SMYD3: variants seen among roughly 807,000 people sequenced by gnomAD.
SMYD3 encodes histone-lysine N-methyltransferase SMYD3.
SMYD3 carries 36 observed loss-of-function variants against 57.7 expected under a neutral mutation model. The observed-to-expected ratio is 0.62, with a 90% CI of 0.48 to 0.82. The LOEUF (loss-of-function observed/expected upper bound fraction) is 0.82, where lower values mean the gene tolerates loss of function less well. Ranked by LOEUF, SMYD3 falls within the 40% of genes least tolerant of loss-of-function variation. The pLI is 0.00. For synonymous variants in SMYD3, 211 were observed against 195.0 expected (o/e 1.08, Z -0.68); for missense variants, 515 against 538.8 (o/e 0.96, Z 0.44).
At chr1:246,144,188 C>G (rs919937832) in intron 5 of SMYD3, among the ~76,000 whole-genome samples, 1 of 152,196 alleles carries the variant, frequency 6.6e-6, no homozygotes, top group Admixed American at 6.5e-5. Flanking sequence ...GATGCTGCTA[C>G]CGCCATGTCC....
chr1:246,167,286 T>G (rs1270799211), intron 5 of SMYD3, among the ~76,000 whole-genome samples: 1 of 152,214 alleles, frequency 6.6e-6, no homozygotes, highest in Non-Finnish European at 1.5e-5. Flanking sequence ...TCCATTCTTT[T>G]GTGTGTGTAT....
chr1:245,803,916 T>C (rs72766643), intron 10 of SMYD3, among the ~76,000 whole-genome samples: 47 of 31,642 alleles, frequency 1.5e-3, no homozygotes, highest in South Asian at 3.5e-3. Context: ...AGTCAGTATT[T>C]TTTTTTTTTT....
At chr1:246,051,828 T>A (rs1339189389) in intron 5 of SMYD3, among the ~76,000 whole-genome samples, 1 of 152,200 alleles carries the variant, frequency 6.6e-6, no homozygotes, top group Non-Finnish European at 1.5e-5. Context: ...TTAATCATGC[T>A]GAAACTGTAT....
intron 5 of SMYD3, among the ~76,000 whole-genome samples, chr1:245,986,191 C>T (rs996806728): frequency 1.3e-4 from 13 of 98,042 alleles, no homozygotes; most frequent in African/African-American, 2.9e-4. Context: ...CTCTTGTTTA[C>T]TTCATTTCTT....
At chr1:245,763,941 T>C (rs2045963781) in intron 11 of SMYD3, 100 bp downstream of exon 11, 2 of 881,672 alleles carry the variant, frequency 2.3e-6, no homozygotes, top group East Asian at 2.4e-5. Context: ...TGTGTATGCG[T>C]GCACACATAC....
intron 10 of SMYD3, among the ~76,000 whole-genome samples, chr1:245,816,468 C>T (rs2048806790): frequency 7.6e-6 from 1 of 132,282 alleles, no homozygotes; most frequent in Admixed American, 8.7e-5. Flanking sequence ...AAGCCAGCTA[C>T]AACCCAACTC....
intron 2 of SMYD3, among the ~76,000 whole-genome samples, chr1:246,345,650 T>C (rs1002236344): frequency 6.6e-6 from 1 of 152,208 alleles, no homozygotes; most frequent in Admixed American, 6.5e-5. Flanking sequence ...TATGATGTGT[T>C]GACATTTTAA....
intron 5 of SMYD3, among the ~76,000 whole-genome samples, chr1:246,301,015 C>G (rs1191884873): frequency 6.6e-6 from 1 of 152,072 alleles, no homozygotes; most frequent in East Asian, 1.9e-4. Flanking sequence ...AAGGGTAGTT[C>G]AGCTTTGTAG....
At chr1:245,922,862 A>AT (rs1174942882) in intron 7 of SMYD3, among the ~76,000 whole-genome samples, 1 of 152,248 alleles carries the variant, frequency 6.6e-6, no homozygotes, top group African/African-American at 2.4e-5. Context: ...AATAAAAAAA[A>AT]TGAATATGTA....
chr1:245,968,797 C>T (rs932732471), intron 5 of SMYD3, among the ~76,000 whole-genome samples: 5 of 152,146 alleles, frequency 3.3e-5, no homozygotes, highest in African/African-American at 1.2e-4. Flanking sequence ...GTGCTGCCCT[C>T]GTCTTTCCCG....
At chr1:245,807,585 A>G (rs1558365308) in intron 10 of SMYD3, among the ~76,000 whole-genome samples, 1 of 152,210 alleles carries the variant, frequency 6.6e-6, no homozygotes, top group Non-Finnish European at 1.5e-5. Flanking sequence ...AGCCAACTCA[A>G]AACCGCACTC....
chr1:246,049,506 C>T (rs959819964), intron 5 of SMYD3, among the ~76,000 whole-genome samples: 14 of 151,484 alleles, frequency 9.2e-5, no homozygotes, highest in South Asian at 6.3e-4. Context: ...GGGGTTTCAC[C>T]GTGTTAGCCA....
rs142418138 is a variant in SMYD3 at position 245,804,792 on chromosome 1, G to A, written c.1077-40643C>T. ...AGCAACAAGGAACCATCTTGAAGTT[G>A]GAGCGAGCAGCCCTCACCAGGCGCT... On this transcript the variant is annotated intron_variant, in intron 10 of 11. Coordinates refer to ENST00000490107, the MANE Select transcript of SMYD3 (RefSeq NM_001167740.2). 4.4e-3 allele frequency among the ~76,000 whole-genome samples: 676 copies of A among 152,286 alleles called. 9 individuals are homozygous for A. The highest frequency in any genetic ancestry group is 0.016 in the African/African-American group (648 of 41,568).
chr1:245,846,223 G>A (rs980767538), intron 10 of SMYD3, among the ~76,000 whole-genome samples: 1 of 152,206 alleles, frequency 6.6e-6, no homozygotes, highest in African/African-American at 2.4e-5. Flanking sequence ...GAGCAAGAAA[G>A]CAAAGGAGCC....
rs548688083 is a variant in SMYD3 at position 246,116,731 on chromosome 1, T to A, written c.532-186794A>T. 8.5e-5 allele frequency among the ~76,000 whole-genome samples: 13 copies of A among 152,352 alleles called. No homozygotes were observed. The East Asian group carries it at 2.5e-3, about 29-fold the overall frequency. The stretch of plus-strand genomic sequence containing the variant: ...AACTAGTTAGCCAGGCCCATCAACA[T>A]GACTTGGCCATCATTTACAGAAAAA... On this transcript the variant is annotated intron_variant, in intron 5 of 11. Transcript: ENST00000490107.
intron 5 of SMYD3, among the ~76,000 whole-genome samples, chr1:246,040,364 A>G (rs1227595734): frequency 6.6e-6 from 1 of 152,204 alleles, no homozygotes; most frequent in African/African-American, 2.4e-5. Flanking sequence ...CTTCGCCACC[A>G]CAAACGCAAG....
intron 5 of SMYD3, among the ~76,000 whole-genome samples, chr1:246,080,419 T>TAA (rs571107993): frequency 6.0e-5 from 9 of 149,670 alleles, no homozygotes; most frequent in African/African-American, 2.0e-4. Flanking sequence ...AGACTCTAAC[T>TAA]AATGCCTGAT....
intron 5 of SMYD3, among the ~76,000 whole-genome samples, chr1:246,287,592 G>A (rs544880570): frequency 1.3e-5 from 2 of 152,232 alleles, no homozygotes; most frequent in African/African-American, 4.8e-5. Flanking sequence ...CTCTAAGATG[G>A]ACATAGAAAT....
chr1:245,782,099 G>T (rs1300918635), intron 10 of SMYD3, among the ~76,000 whole-genome samples: 3 of 152,188 alleles, frequency 2.0e-5, no homozygotes. Context: ...AAAAAGGCTA[G>T]TTCTTTACCC....
Sources: gnomAD v4.1 joint callset for allele counts (sites outside exome capture counted in the v4.1 genomes callset) on GRCh38, gnomAD v4.1.1 for gene constraint, MANE v1.5 for transcripts, NCBI Gene and HGNC (gene_info 2026-07-23, HGNC 2026-07-21) for gene names.